The following FAIM2 variants were observed in gnomAD, a reference collection of about 807,000 sequenced individuals.
The protein encoded by FAIM2 is Fas apoptotic inhibitory molecule 2.
FAIM2 carries 27 observed loss-of-function variants against 47.4 expected under a neutral mutation model. The ratio of observed to expected loss-of-function variants is 0.57; its 90% CI spans 0.42 to 0.78. FAIM2 has a LOEUF of 0.78. Among genes scored for constraint, FAIM2 ranks in the 30% least tolerant of loss-of-function variants. The pLI is 0.00. For missense variants in FAIM2, 311 were observed against 389.4 expected, an observed-to-expected ratio of 0.80 and a Z score of 1.69; for synonymous variants, 156 against 159.3, an observed-to-expected ratio of 0.98 and a Z score of 0.16.
At chr12:49,884,847 A>G (rs992906271) in intron 11 of FAIM2, among the ~76,000 whole-genome samples, 1 of 152,140 alleles carries the variant, frequency 6.6e-6, no homozygotes, top group Non-Finnish European at 1.5e-5. Flanking sequence ...GGTGGCGGGC[A>G]CCTGTAGTCC....
Position 49,891,053 on chromosome 12 carries a change from C to T in FAIM2, c.485+11G>A. ...TATTCCCACAAGTTCCTCCTCAAGC[C>T]ATTAGCATACCTGGGTCCAGAACAG... is the stretch of plus-strand genomic sequence containing the variant. On this transcript the variant is annotated intron_variant, in intron 6 of 11. Transcript: ENST00000320634. 6.2e-7 allele frequency: 1 copy of T among 1,613,750 alleles called. No individual in the cohort carries two copies. Among genetic ancestry groups the T allele is most frequent in the Non-Finnish European group, 8.5e-7 (1 of 1,179,630 alleles).
chr12:49,891,792 A>G (rs894297824), intron 5 of FAIM2, among the ~76,000 whole-genome samples: 15 of 152,304 alleles, frequency 9.8e-5, no homozygotes, highest in East Asian at 9.6e-4. Context: ...GTGAATTTTT[A>G]TATCAGGTGG....
intron 5 of FAIM2, among the ~76,000 whole-genome samples, chr12:49,892,102 GC>G (rs1565618517): frequency 6.6e-6 from 1 of 151,904 alleles, no homozygotes; most frequent in Non-Finnish European, 1.5e-5. Flanking sequence ...AACCTCCCAG[GC>G]CCCCTCACTC....
intron 11 of FAIM2, among the ~76,000 whole-genome samples, chr12:49,883,390 C>T (rs1409153777): frequency 6.9e-6 from 1 of 144,038 alleles, no homozygotes; most frequent in African/African-American, 2.6e-5. Context: ...TGATGTGGGG[C>T]GTGATGTAGG....
chr12:49,891,365 G>C (rs1040881849), intron 5 of FAIM2, among the ~76,000 whole-genome samples: 1 of 152,148 alleles, frequency 6.6e-6, no homozygotes, highest in Admixed American at 6.5e-5. Context: ...AGCTGTTCCT[G>C]ACCACCCAAT....
intron 11 of FAIM2, 72 bp from the exon 12 acceptor site, chr12:49,870,725 G>C (rs1946696647): frequency 6.6e-6 from 10 of 1,512,112 alleles, no homozygotes; most frequent in Admixed American, 3.5e-5. Flanking sequence ...GGCAGCCCAG[G>C]TGTCCCCCTC....
At chr12:49,878,556 G>GT (rs1216727803) in intron 11 of FAIM2, among the ~76,000 whole-genome samples, 4 of 60,778 alleles carry the variant, frequency 6.6e-5, no homozygotes, top group African/African-American at 3.9e-4. Context: ...GCGTGCATGT[G>GT]TGAGTGTATA....
At chr12:49,881,918 G>A (rs2137091378) in intron 11 of FAIM2, among the ~76,000 whole-genome samples, 1 of 152,364 alleles carries the variant, frequency 6.6e-6, no homozygotes, top group South Asian at 2.1e-4. Flanking sequence ...CCCTTCCACT[G>A]GGCGGCCTGC....
At chr12:49,870,907 G>C (rs1253343979) in intron 11 of FAIM2, among the ~76,000 whole-genome samples, 1 of 152,238 alleles carries the variant, frequency 6.6e-6, no homozygotes, top group African/African-American at 2.4e-5. Flanking sequence ...TCCTCACAGA[G>C]CTTAGAGTCT....
intron 10 of FAIM2, among the ~76,000 whole-genome samples, chr12:49,888,682 C>T (rs1235688628): frequency 6.6e-6 from 1 of 152,194 alleles, no homozygotes; most frequent in East Asian, 1.9e-4. Context: ...TCCCGCCTGC[C>T]TGGCCAGCTA....
At chr12:49,872,634 G>C (rs533129695) in intron 11 of FAIM2, among the ~76,000 whole-genome samples, 1 of 152,236 alleles carries the variant, frequency 6.6e-6, no homozygotes, top group Non-Finnish European at 1.5e-5. Flanking sequence ...CCAACAGGGA[G>C]CAATTCCAGC....
At chr12:49,893,652 G>C (rs1316638511) in intron 5 of FAIM2, among the ~76,000 whole-genome samples, 1 of 152,222 alleles carries the variant, frequency 6.6e-6, no homozygotes, top group African/African-American at 2.4e-5. Flanking sequence ...TTGGTGAGTA[G>C]GACCCCTTCA....
At chr12:49,901,484 C>G (rs943081436) in intron 1 of FAIM2, 159 bp from the exon 2 acceptor site, 10 of 577,042 alleles carry the variant, frequency 1.7e-5, no homozygotes, top group Non-Finnish European at 2.0e-5. Context: ...ATTTTATAGA[C>G]AAGAGAACTA....
chr12:49,879,918 A>G (rs866985424), intron 11 of FAIM2, among the ~76,000 whole-genome samples: 1 of 141,300 alleles, frequency 7.1e-6, no homozygotes, highest in Non-Finnish European at 1.5e-5. Flanking sequence ...ATATGTGTGC[A>G]TATGTGTATG....
chr12:49,872,026 G>A (rs1052385501), intron 11 of FAIM2, among the ~76,000 whole-genome samples: 1 of 152,114 alleles, frequency 6.6e-6, no homozygotes, highest in African/African-American at 2.4e-5. Context: ...TCAGTCACTT[G>A]TGTATGAAAG....
chr12:49,898,525 GT>G lies in FAIM2; in HGVS notation c.212-436del, dbSNP rs376958498. On this transcript the variant is annotated intron_variant, in intron 2 of 11. Transcript: ENST00000320634. ...ACCCTTGCTCATTCTTTTTGTTTTTGTTTTGTTTTGTTTTTTTGAGACAGGG... is the reference window on the plus strand; with the variant it reads ...ACCCTTGCTCATTCTTTTTGTTTTTGTTTGTTTTGTTTTTTTGAGACAGGG... 2.5e-3 allele frequency among the ~76,000 whole-genome samples: 376 copies of G among 152,120 alleles called. 2 individuals carry two copies. The highest frequency in any genetic ancestry group is 8.4e-3 in the African/African-American group (347 of 41,492).
intron 11 of FAIM2, among the ~76,000 whole-genome samples, chr12:49,875,667 G>T (rs559737480): frequency 6.6e-6 from 1 of 152,142 alleles, no homozygotes; most frequent in African/African-American, 2.4e-5. Context: ...AATGACACAC[G>T]ATTATCTATC....
In FAIM2 at chr12:49,882,961, G is replaced by A. The variant is rs749830383; in HGVS notation, c.801+4425C>T. Reference sequence around the variant, plus strand: ...GTGTCAGAATGAGATGCGCTACAGAGAGAGGGAAATAGGGTAGGGAGGAAG... The same window carrying A: ...GTGTCAGAATGAGATGCGCTACAGAAAGAGGGAAATAGGGTAGGGAGGAAG... On this transcript the variant is annotated intron_variant, in intron 11 of 11. Transcript: ENST00000320634. Among the ~76,000 whole-genome samples the A allele has an allele frequency of 7.4e-4, 113 of 152,318 alleles. 1 individual carries two copies. Among genetic ancestry groups the A allele is most frequent in the Admixed American group, 5.9e-4 (9 of 15,300 alleles).
chr12:49,901,498 T>G, intron 1 of FAIM2, 173 bp from the exon 2 acceptor site: 1 of 538,660 alleles, frequency 1.9e-6, no homozygotes. Context: ...AGAACTAAGC[T>G]CCAGAGGGGT....
Sources: allele counts gnomAD v4.1 joint callset (sites outside exome capture counted in the v4.1 genomes callset), GRCh38; gene constraint gnomAD v4.1.1; transcripts MANE v1.5; gene names NCBI Gene and HGNC (gene_info 2026-07-23, HGNC 2026-07-21).